Variants in RANBP2 observed in about 807,000 individuals in gnomAD.
RANBP2 encodes RAN binding protein 2.
Under a neutral mutation model 303.6 loss-of-function variants are expected in RANBP2, and 57 were observed. The ratio of observed to expected loss-of-function variants is 0.19; its 90% CI spans 0.15 to 0.23. The LOEUF (loss-of-function observed/expected upper bound fraction) is 0.23. Among genes scored for constraint, RANBP2 ranks in the 10% least tolerant of loss-of-function variants. RANBP2 has a pLI of 1.00. For synonymous variants in RANBP2, 1,167 were observed against 1,301.5 expected, an observed-to-expected ratio of 0.90 and a Z score of 2.23; for missense variants, 3,138 against 3,780.8, an observed-to-expected ratio of 0.83 and a Z score of 4.46.
the RANBP2 span, among the ~76,000 whole-genome samples, chr2:109,507,178 C>T: frequency 1.3e-5 from 2 of 152,184 alleles, no homozygotes; most frequent in Admixed American, 1.3e-4. Flanking sequence ...CAGAGCACAG[C>T]CCCTGCCCAC....
At chr2:109,178,630 G>A in the RANBP2 span, among the ~76,000 whole-genome samples, 1 of 152,140 alleles carries the variant, frequency 6.6e-6, no homozygotes, top group South Asian at 2.1e-4. Context: ...GCAAGGCAGG[G>A]CAGTTGGCTT....
chr2:109,290,232 A>G, the RANBP2 span, among the ~76,000 whole-genome samples: 1 of 152,172 alleles, frequency 6.6e-6, no homozygotes, highest in South Asian at 2.1e-4. Flanking sequence ...ACATCACATC[A>G]TTCCTTCTCT....
chr2:109,344,471 C>T, the RANBP2 span, among the ~76,000 whole-genome samples: 1 of 152,196 alleles, frequency 6.6e-6, no homozygotes, highest in Non-Finnish European at 1.5e-5. Context: ...TATGCTGAGG[C>T]CAGCGTAGGG....
At chr2:108,998,735 T>C in the RANBP2 span, among the ~76,000 whole-genome samples, 2 of 152,056 alleles carry the variant, frequency 1.3e-5, no homozygotes, top group African/African-American at 4.8e-5. Flanking sequence ...CACAAGAAAT[T>C]CAAAGATCTG....
chr2:109,093,422 A>C, the RANBP2 span, among the ~76,000 whole-genome samples: 2 of 151,276 alleles, frequency 1.3e-5, no homozygotes, highest in Admixed American at 6.6e-5. Context: ...AAAAAAAAAA[A>C]AAAGAAAGAA....
At chr2:109,493,423 AAC>A in the RANBP2 span, among the ~76,000 whole-genome samples, 583 of 150,650 alleles carry the variant, frequency 3.9e-3, 2 homozygotes, top group Middle Eastern at 0.015. Context: ...ACATCATGCA[AAC>A]ACAGACTACA....
chr2:109,257,792 C>T, the RANBP2 span, among the ~76,000 whole-genome samples: 12 of 152,228 alleles, frequency 7.9e-5, no homozygotes, highest in East Asian at 1.9e-4. Context: ...GTATGTTTTA[C>T]GGACAGGAGA....
the RANBP2 span, among the ~76,000 whole-genome samples, chr2:109,446,103 C>T: frequency 0.013 from 2,006 of 152,188 alleles, 54 homozygotes; most frequent in African/African-American, 0.046. Context: ...CCAGCCAGCT[C>T]GGGGTTGGGG....
At chr2:109,735,438 G>T in the RANBP2 span, among the ~76,000 whole-genome samples, 1 of 151,860 alleles carries the variant, frequency 6.6e-6, no homozygotes. Flanking sequence ...ATCATATCTT[G>T]GCCATTATGC....
At chr2:109,313,099 C>A in the RANBP2 span, among the ~76,000 whole-genome samples, 1 of 152,170 alleles carries the variant, frequency 6.6e-6, no homozygotes, top group Non-Finnish European at 1.5e-5. Context: ...AGGTGGTGCT[C>A]CTGGCTCACA....
At chr2:109,284,486 A>G in the RANBP2 span, among the ~76,000 whole-genome samples, 1 of 152,156 alleles carries the variant, frequency 6.6e-6, no homozygotes, top group Non-Finnish European at 1.5e-5. Context: ...CACCCCTCCC[A>G]TCACTCTCCT....
chr2:109,145,894 G>A, the RANBP2 span, among the ~76,000 whole-genome samples: 1 of 152,162 alleles, frequency 6.6e-6, no homozygotes, highest in South Asian at 2.1e-4. Flanking sequence ...AGGGCTATGG[G>A]TGTGCGTGGA....
chr2:108,968,075 T>C, the RANBP2 span, among the ~76,000 whole-genome samples: 1 of 152,178 alleles, frequency 6.6e-6, no homozygotes, highest in Non-Finnish European at 1.5e-5. Flanking sequence ...TCCCAGGCCC[T>C]GGGATGGAGC....
At chr2:109,506,651 T>A in the RANBP2 span, among the ~76,000 whole-genome samples, 475 of 152,322 alleles carry the variant, frequency 3.1e-3, 11 homozygotes, top group South Asian at 0.039. Context: ...GTTCGTATCA[T>A]CTCCATTTTA....
the RANBP2 span, among the ~76,000 whole-genome samples, chr2:109,155,340 G>T: frequency 2.0e-5 from 3 of 152,134 alleles, no homozygotes; most frequent in African/African-American, 7.2e-5. Flanking sequence ...TCGCTCTGTT[G>T]CCCAGGCTGG....
At chr2:109,670,647 C>T in the RANBP2 span, among the ~76,000 whole-genome samples, 9 of 152,284 alleles carry the variant, frequency 5.9e-5, no homozygotes, top group East Asian at 3.9e-4. Flanking sequence ...TGCTGCTGCT[C>T]GAAGCCAGTG....
the RANBP2 span, chr2:109,449,528 C>T: frequency 2.4e-4 from 383 of 1,593,146 alleles, 2 homozygotes; most frequent in East Asian, 7.6e-3. Flanking sequence ...GGCTCGAGGC[C>T]AGCTGCTTAC....
At chr2:109,281,954 A>T in the RANBP2 span, among the ~76,000 whole-genome samples, 1 of 152,062 alleles carries the variant, frequency 6.6e-6, no homozygotes, top group Non-Finnish European at 1.5e-5. Flanking sequence ...TGGTTTGTAG[A>T]GCAGAAGCCC....
intron 7 of RANBP2, 98 bp downstream of exon 7, chr2:108,740,779 A>G (rs1696020913): frequency 1.3e-6 from 2 of 1,538,300 alleles, no homozygotes; most frequent in Admixed American, 1.7e-5. Context: ...TATGTGAACA[A>G]ACCTGTGGAA....
Sources: allele counts gnomAD v4.1 joint callset (sites outside exome capture counted in the v4.1 genomes callset), GRCh38; gene constraint gnomAD v4.1.1; transcripts MANE v1.5; gene names NCBI Gene and HGNC (gene_info 2026-07-23, HGNC 2026-07-21).